COL28A1: variants seen among roughly 807,000 people sequenced by gnomAD.
COL28A1 encodes the protein collagen alpha-1(XXVIII) chain.
Under a neutral mutation model 150.2 loss-of-function variants are expected in COL28A1, and 161 were observed. The observed-to-expected ratio is 1.07, with a 90% CI of 0.94 to 1.22. COL28A1 has a LOEUF of 1.22. Among genes scored for constraint, COL28A1 ranks in the 50% most tolerant of loss-of-function variants. The probability of loss-of-function intolerance (pLI) is 0.00; values close to 1 mark genes in which losing one functional copy is unlikely to be tolerated. For synonymous variants in COL28A1, 552 were observed against 469.7 expected (o/e 1.18, Z -2.26); for missense variants, 1,617 against 1,388.3 (o/e 1.16, Z -2.62).
intron 20 of COL28A1, among the ~76,000 whole-genome samples, chr7:7,443,380 G>A (rs901865793): frequency 6.6e-6 from 1 of 152,000 alleles, no homozygotes; most frequent in African/African-American, 2.4e-5. Flanking sequence ...TCTCTATGCT[G>A]GGTCTTACAA....
At chr7:7,489,353 G>C (rs746427573) in intron 13 of COL28A1, 36 bp downstream of exon 13, 5 of 903,632 alleles carry the variant, frequency 5.5e-6, no homozygotes, top group Non-Finnish European at 9.4e-6. Flanking sequence ...AACTATATTT[G>C]TCCTTTTCAT....
chr7:7,428,872 G>A (rs1287926329), intron 25 of COL28A1, among the ~76,000 whole-genome samples: 1 of 152,126 alleles, frequency 6.6e-6, no homozygotes, highest in African/African-American at 2.4e-5. Context: ...TTAAATTCAA[G>A]GTAATTGTAT....
At chr7:7,506,198 C>A in intron 10 of COL28A1, 131 bp from the exon 11 acceptor site, 1 of 598,576 alleles carries the variant, frequency 1.7e-6, no homozygotes, top group South Asian at 2.2e-5. Flanking sequence ...ATTGAAATCA[C>A]ATTCAATCGA....
intron 15 of COL28A1, among the ~76,000 whole-genome samples, chr7:7,457,092 G>C (rs1237207102): frequency 6.6e-6 from 1 of 152,204 alleles, no homozygotes; most frequent in Non-Finnish European, 1.5e-5. Flanking sequence ...AATGAAGTCA[G>C]AGAATTATGG....
intron 11 of COL28A1, among the ~76,000 whole-genome samples, chr7:7,493,708 G>T (rs1780048842): frequency 6.6e-6 from 1 of 152,034 alleles, no homozygotes; most frequent in South Asian, 2.1e-4. Context: ...AGGTAGTAAA[G>T]AAAGTGGTCC....
chr7:7,358,545 CTCAAATAT>C lies in COL28A1; in HGVS notation c.*80_*87del, dbSNP rs1203581354. 4 of 1,226,314 alleles carry C rather than the reference CTCAAATAT, an allele frequency of 3.3e-6. No individual in the cohort carries two copies. The African/African-American group carries it at 4.5e-5, about 14-fold the overall frequency. The allele number at this position is 1,226,314 out of a possible 1,614,324, so 76.0% of individuals were successfully genotyped here. A position where few individuals can be genotyped will look rare whatever the true frequency, so the allele number is the denominator to read the frequency against. On this transcript the variant is annotated 3_prime_UTR_variant, in exon 35 of 35. Coordinates refer to ENST00000399429, the MANE Select transcript of COL28A1 (RefSeq NM_001037763.3). ...ATAAGTTGTAAATACTCAGTATACACTCAAATATAGTGCTGTATTTGTATTGGGTGAAT... is the reference window on the plus strand; with the variant it reads ...ATAAGTTGTAAATACTCAGTATACACAGTGCTGTATTTGTATTGGGTGAAT...
intron 27 of COL28A1, among the ~76,000 whole-genome samples, chr7:7,413,617 G>A (rs931875169): frequency 1.2e-4 from 18 of 152,148 alleles, no homozygotes; most frequent in Non-Finnish European, 2.2e-4. Flanking sequence ...GGTTTAAGTG[G>A]TAAAGAGGCC....
intron 34 of COL28A1, among the ~76,000 whole-genome samples, chr7:7,360,167 G>T (rs1780569316): frequency 6.6e-6 from 1 of 152,146 alleles, no homozygotes; most frequent in South Asian, 2.1e-4. Flanking sequence ...ATTCTTCATA[G>T]ACCAAATTTA....
intron 11 of COL28A1, among the ~76,000 whole-genome samples, chr7:7,495,757 A>C (rs1395960777): frequency 6.6e-6 from 1 of 152,214 alleles, no homozygotes; most frequent in Non-Finnish European, 1.5e-5. Context: ...TTCAGAGTAC[A>C]ACAAAGCCCT....
intron 9 of COL28A1, among the ~76,000 whole-genome samples, chr7:7,508,643 G>A (rs1425881782): frequency 6.6e-6 from 1 of 152,176 alleles, no homozygotes. Flanking sequence ...TTTGATAGGT[G>A]ATATAATACT....
intron 15 of COL28A1, among the ~76,000 whole-genome samples, chr7:7,472,664 A>AC (rs1788535282): frequency 6.6e-6 from 1 of 152,186 alleles, no homozygotes; most frequent in Non-Finnish European, 1.5e-5. Context: ...ACAGAATTAG[A>AC]CAAAAACAAT....
the COL28A1 span, among the ~76,000 whole-genome samples, chr7:7,338,913 C>G: frequency 4.6e-5 from 7 of 152,020 alleles, no homozygotes; most frequent in Non-Finnish European, 8.8e-5. Flanking sequence ...TCTTAGAACC[C>G]TGCCATTGCC....
chr7:7,445,173 A>C (rs1452528820), intron 18 of COL28A1, among the ~76,000 whole-genome samples: 1 of 152,186 alleles, frequency 6.6e-6, no homozygotes, highest in Non-Finnish European at 1.5e-5. Context: ...TATTTTCTTT[A>C]TAAATTACCC....
intron 25 of COL28A1, among the ~76,000 whole-genome samples, chr7:7,429,227 C>A (rs561734151): frequency 0.012 from 1,873 of 152,288 alleles, 22 homozygotes; most frequent in Middle Eastern, 0.037. Context: ...CACATATATA[C>A]AGTTTCACTG....
At chr7:7,338,806 T>C in the COL28A1 span, among the ~76,000 whole-genome samples, 1 of 152,178 alleles carries the variant, frequency 6.6e-6, no homozygotes, top group African/African-American at 2.4e-5. Flanking sequence ...AGCTGAATTT[T>C]GGCTGACTTT....
At chr7:7,346,157 TA>T in the COL28A1 span, among the ~76,000 whole-genome samples, 4 of 152,078 alleles carry the variant, frequency 2.6e-5, no homozygotes, top group Non-Finnish European at 5.9e-5. Flanking sequence ...CTATTTGCTC[TA>T]ATTTCCCATT....
At chr7:7,540,249 C>A (rs1782761509), upstream of COL28A1, among the ~76,000 whole-genome samples, 1 of 152,158 alleles carries the variant, frequency 6.6e-6, no homozygotes, top group Non-Finnish European at 1.5e-5. Flanking sequence ...AGAGAAAGAT[C>A]AGATCTATTT....
Position 7,460,012 on chromosome 7 carries a change from A to G in COL28A1, c.1303-3900T>C, listed in dbSNP as rs141849996. ...ACTCAGCCTAACTCCATTTGTCCCAACTTCTAGATGAGATTCATTAAATAC... is the reference window on the plus strand; with the variant it reads ...ACTCAGCCTAACTCCATTTGTCCCAGCTTCTAGATGAGATTCATTAAATAC... On this transcript the variant is annotated intron_variant, in intron 15 of 34. Transcript: ENST00000399429. 2.6e-3 allele frequency among the ~76,000 whole-genome samples: 390 copies of G among 152,334 alleles called. 2 individuals are homozygous for G. Among genetic ancestry groups the G allele is most frequent in the African/African-American group, 8.7e-3 (361 of 41,568 alleles).
chr7:7,472,076 A>G (rs1374358254), intron 15 of COL28A1, among the ~76,000 whole-genome samples: 2 of 152,220 alleles, frequency 1.3e-5, no homozygotes, highest in African/African-American at 4.8e-5. Flanking sequence ...TACTGAATGG[A>G]GAAAAGCTGA....
Sources: gnomAD v4.1 joint callset for allele counts (sites outside exome capture counted in the v4.1 genomes callset) on GRCh38, gnomAD v4.1.1 for gene constraint, MANE v1.5 for transcripts, NCBI Gene and HGNC (gene_info 2026-07-23, HGNC 2026-07-21) for gene names.